OAS3: variants seen among roughly 807,000 people sequenced by gnomAD.
The protein encoded by OAS3 is 2'-5'-oligoadenylate synthetase 3.
OAS3 carries 107 observed loss-of-function variants against 113.0 expected under a neutral mutation model. The ratio of observed to expected loss-of-function variants is 0.95; its 90% confidence interval spans 0.81 to 1.11. The LOEUF is 1.11. Among genes scored for constraint, OAS3 ranks in the 50% most tolerant of loss-of-function variants. The pLI is 0.00. For missense variants in OAS3, 1,258 were observed against 1,389.1 expected, an observed-to-expected ratio of 0.91 and a Z score of 1.50; for synonymous variants, 552 against 573.6, an observed-to-expected ratio of 0.96 and a Z score of 0.54.
chr12:112,943,220 C>T (rs1227147278), intron 2 of OAS3, among the ~76,000 whole-genome samples: 1 of 152,118 alleles, frequency 6.6e-6, no homozygotes, highest in Non-Finnish European at 1.5e-5. Context: ...CAGGCACAAG[C>T]CACCCCACCC....
rs1413185038 is a variant in OAS3, at chr12:112,966,001, T to C, written c.2661T>C (p.Phe887=). 1.9e-6 allele frequency: 3 copies of C among 1,613,912 alleles called. No homozygotes were observed. Among genetic ancestry groups the C allele is most frequent in the Non-Finnish European group, 2.5e-6 (3 of 1,179,894 alleles). Residue 887 remains phenylalanine, a synonymous_variant, in exon 12 of 16, where the codon TTT becomes TTC. Transcript: ENST00000228928. ...CGATGCTGGACCAGAGTGTGGACTT[T>C]GATGTGCTGCCAGCCTTTGACGCCC... is the stretch of plus-strand genomic sequence containing the variant. The part of the protein sequence containing the change: ...SQTMLDQSVD[F]DVLPAFDALG...
rs753258446 is a variant in OAS3 at position 112,965,911 on chromosome 12, G to A, written c.2571G>A (p.Glu857=). ...CATGTCAACAGGAGCGGCAGTTCGA[G>A]GTCAAGTTTGAAGTCTCCAAATGGG... The part of the protein sequence containing the change: ...LEACQQERQF[E]VKFEVSKWEN... Residue 857 remains glutamate (E), a synonymous_variant, in exon 12 of 16, where the codon GAG becomes GAA. Coordinates refer to ENST00000228928, the MANE Select transcript of OAS3 (RefSeq NM_006187.4). 1.3e-4 allele frequency: 214 copies of A among 1,613,556 alleles called. No individual in the cohort carries two copies. The highest frequency in any genetic ancestry group is 5.8e-4 in the Admixed American group (35 of 59,938).
Position 112,968,151 on chromosome 12 carries a change from G to C in OAS3, c.3081G>C (p.Leu1027=). Residue 1027 remains leucine (L), a synonymous_variant, in exon 14 of 16, where the codon CTG becomes CTC. Transcript: ENST00000228928. ...AGGACAAGACTGTTGGAGACTTCCT[G>C]AAACAGCAGCTTCAGAAGCCCAGGT... ...NAKDKTVGDF[L]KQQLQKPRPI... 1.9e-6 allele frequency: 3 copies of C among 1,613,414 alleles called. No homozygotes were observed. Among genetic ancestry groups the C allele is most frequent in the Non-Finnish European group, 2.5e-6 (3 of 1,179,556 alleles).
Position 112,938,619 on chromosome 12 carries a change from G to T in OAS3, c.89G>T (p.Arg30Leu). 1 of 1,609,012 alleles carries T rather than the reference G, an allele frequency of 6.2e-7. No homozygotes were observed. The change falls in exon 1 of 16, where the codon CGG (arginine) becomes CTG (leucine). Residue 30 changes from arginine (R) to leucine (L), a missense_variant. Arg to Leu is a moderately radical substitution (Grantham distance 102, BLOSUM62 -2). Transcript: ENST00000228928. ...CGGAAGGAGTTCGTAGAGAAGGCGCGGCGCGCTCTGGGCGCCCTGGCCGCT... is the reference window on the plus strand; with the variant it reads ...CGGAAGGAGTTCGTAGAGAAGGCGCTGCGCGCTCTGGGCGCCCTGGCCGCT... ...QPRKEFVEKARRALGALAAAL... is the reference protein window; with the variant it reads ...QPRKEFVEKALRALGALAAAL...
Position 112,954,565 on chromosome 12 carries a change from G to A in OAS3, c.1657+3590G>A, listed in dbSNP as rs531907747. On this transcript the variant is annotated intron_variant, in intron 7 of 15. Transcript: ENST00000228928. This position sits in a 1 kb window ranked among gnomAD's most constrained non-coding sequence, Gnocchi z 4.0. ...CCCACCTCGGCCTCCCAAAGTGCTG[G>A]GATTACAGGCGTGAGCCACTGCGCC... Among the ~76,000 whole-genome samples, 62 of 152,262 alleles carry A rather than the reference G, an allele frequency of 4.1e-4. No individual in the cohort carries two copies. Among genetic ancestry groups the A allele is most frequent in the Admixed American group, 7.8e-4 (12 of 15,296 alleles).
At chr12:112,962,133 A>G (rs1404514962) in intron 8 of OAS3, among the ~76,000 whole-genome samples, 1 of 152,168 alleles carries the variant, frequency 6.6e-6, no homozygotes, top group Non-Finnish European at 1.5e-5. Flanking sequence ...AATTCTGAAC[A>G]TCCTTCGGAG....
intron 7 of OAS3, 114 bp from the exon 8 acceptor site, chr12:112,960,957 C>T (rs2043877325): frequency 6.3e-6 from 6 of 959,128 alleles, no homozygotes; most frequent in Non-Finnish European, 9.7e-6. Flanking sequence ...TTATTGATTG[C>T]AATGTTAGGT....
At chr12:112,969,587 G>C (rs777702605) in intron 14 of OAS3, 21 bp from the exon 15 acceptor site, 1 of 1,586,584 alleles carries the variant, frequency 6.3e-7, no homozygotes, top group South Asian at 1.2e-5. Flanking sequence ...GAATAAGACT[G>C]TCCCTGGGTG....
chr12:112,948,846 T>C lies in OAS3; in HGVS notation c.1030-15T>C, dbSNP rs2043758537. ...ACTGCGCCTGGCTGAGGCAGCTCCTTCAATGACCTTCCAGGGCCTTCCACG... is the reference window on the plus strand; with the variant it reads ...ACTGCGCCTGGCTGAGGCAGCTCCTCCAATGACCTTCCAGGGCCTTCCACG... On this transcript the variant is annotated splice_polypyrimidine_tract_variant and intron_variant, in intron 5 of 15. Transcript: ENST00000228928. 2 of 1,540,974 alleles carry C rather than the reference T, an allele frequency of 1.3e-6. No homozygotes were observed. The highest frequency in any genetic ancestry group is 4.0e-5 in the Admixed American group (2 of 50,012).
intron 3 of OAS3, chr12:112,944,988 A>G (rs2043714788): frequency 5.8e-6 from 2 of 347,752 alleles, no homozygotes; most frequent in Non-Finnish European, 1.1e-5. Flanking sequence ...CCTTTGAAAA[A>G]TGAGTTATTC....
rs898322193 is a variant in OAS3 at position 112,961,076 on chromosome 12, C to T, written c.1663C>T (p.Leu555Phe). The change falls in exon 8 of 16, where the codon CTC becomes TTC. Residue 555 changes from leucine (L) to phenylalanine (F), a missense_variant. Transcript: ENST00000228928. Reference sequence around the variant, plus strand: ...GGTGTTTCAAACTTCTACAGGGCAGCTCAGTTCTGGCACCAAACCAAATCC... The same window carrying T: ...GGTGTTTCAAACTTCTACAGGGCAGTTCAGTTCTGGCACCAAACCAAATCC... ...LLPAFDAVGQ[L>F]SSGTKPNPQV... 2 of 1,613,218 alleles carry T rather than the reference C, an allele frequency of 1.2e-6. No homozygotes were observed. Among genetic ancestry groups the T allele is most frequent in the Non-Finnish European group, 8.5e-7 (1 of 1,179,604 alleles).
chr12:112,955,164 G>A lies in OAS3; in HGVS notation c.1657+4189G>A, dbSNP rs141940456. Among the ~76,000 whole-genome samples, 670 of 152,286 alleles carry A rather than the reference G, an allele frequency of 4.4e-3. 8 individuals are homozygous for A. The highest frequency in any genetic ancestry group is 0.015 in the African/African-American group (644 of 41,554). On this transcript the variant is annotated intron_variant, in intron 7 of 15. Transcript: ENST00000228928. Reference sequence around the variant, plus strand: ...TAGGAATGCTTGTGATTTTTGCACAGTGATTTTGTATCCTGAGACTTTGCT... The same window carrying A: ...TAGGAATGCTTGTGATTTTTGCACAATGATTTTGTATCCTGAGACTTTGCT...
Position 112,967,503 on chromosome 12 carries a change from C to T in OAS3, c.2775C>T (p.Thr925=), listed in dbSNP as rs1236435702. ...ACAGCAATGCGGGCGAGTACTCCACCTGCTTCACAGAGCTACAACGGGACT... is the reference window on the plus strand; with the variant it reads ...ACAGCAATGCGGGCGAGTACTCCACTTGCTTCACAGAGCTACAACGGGACT... The part of the protein sequence containing the change: ...HSYSNAGEYS[T]CFTELQRDFI... The change falls in exon 13 of 16, where the codon ACC becomes ACT. Residue 925 remains threonine (T), a synonymous_variant. Transcript: ENST00000228928. 6.2e-7 allele frequency: 1 copy of T among 1,613,698 alleles called. No homozygotes were observed. Among genetic ancestry groups the T allele is most frequent in the African/African-American group, 1.3e-5 (1 of 74,932 alleles).
chr12:112,942,032 C>G, intron 2 of OAS3, 180 bp downstream of exon 2: 1 of 715,520 alleles, frequency 1.4e-6, no homozygotes, highest in Non-Finnish European at 2.4e-6. Flanking sequence ...GGCAGAGAAA[C>G]CCCAGTTCCT....
intron 1 of OAS3, among the ~76,000 whole-genome samples, chr12:112,940,939 G>A (rs1351190119): frequency 6.6e-6 from 1 of 152,202 alleles, no homozygotes; most frequent in Non-Finnish European, 1.5e-5. Flanking sequence ...TGAGATGGAG[G>A]TTGCAGTGAG....
In OAS3 at chr12:112,967,993, C is replaced by T. The variant is rs772150345; in HGVS notation, c.2923C>T (p.Leu975=). The T allele has an allele frequency of 6.2e-7, 1 of 1,614,032 alleles. No homozygotes were observed. Among genetic ancestry groups the T allele is most frequent in the Non-Finnish European group, 8.5e-7 (1 of 1,179,886 alleles). The change falls in exon 14 of 16, where the codon CTG becomes TTG. Residue 975 remains leucine, a synonymous_variant. Transcript: ENST00000228928. The part of the protein sequence containing the change: ...SLPPQHGLEL[L]TVYAWEQGGK... Reference sequence around the variant, plus strand: ...ACCCCCACAGCACGGGCTGGAACTCCTGACTGTGTATGCCTGGGAGCAGGG... The same window carrying T: ...ACCCCCACAGCACGGGCTGGAACTCTTGACTGTGTATGCCTGGGAGCAGGG...
At chr12:112,966,805 C>A (rs1442154724) in intron 12 of OAS3, among the ~76,000 whole-genome samples, 3 of 152,240 alleles carry the variant, frequency 2.0e-5, no homozygotes, top group South Asian at 4.1e-4. Flanking sequence ...CCACACCTGG[C>A]TAATTTATAG....
intron 2 of OAS3, chr12:112,942,222 A>C (rs1402089614): frequency 4.3e-6 from 2 of 467,934 alleles, no homozygotes; most frequent in South Asian, 4.4e-5. Flanking sequence ...ATTCTGCAAA[A>C]TCTTGTATTT....
rs1301687783 is a variant in OAS3 at position 112,969,589 on chromosome 12, C to G, written c.3105-19C>G. On this transcript the variant is annotated intron_variant, in intron 14 of 15. Coordinates refer to ENST00000228928, the MANE Select transcript of OAS3 (RefSeq NM_006187.4). Reference sequence around the variant, plus strand: ...TAGATGTTGCCAGGAATAAGACTGTCCCTGGGTGGGAATTGCAGGCCTATC... The same window carrying G: ...TAGATGTTGCCAGGAATAAGACTGTGCCTGGGTGGGAATTGCAGGCCTATC... 1 of 1,587,708 alleles carries G rather than the reference C, an allele frequency of 6.3e-7. No individual in the cohort carries two copies. Among genetic ancestry groups the G allele is most frequent in the Non-Finnish European group, 8.6e-7 (1 of 1,165,986 alleles).
Sources: allele counts gnomAD v4.1 joint callset (sites outside exome capture counted in the v4.1 genomes callset), GRCh38; gene constraint gnomAD v4.1.1; non-coding constraint Gnocchi (gnomAD v3.1); transcripts MANE v1.5; gene names NCBI Gene and HGNC (gene_info 2026-07-23, HGNC 2026-07-21).